SETD2: variants seen among roughly 807,000 people sequenced by gnomAD.
SETD2 encodes the protein SET domain containing 2, histone lysine methyltransferase.
Under a neutral mutation model 242.1 loss-of-function variants are expected in SETD2, and 31 were observed. The ratio of observed to expected loss-of-function variants is 0.13; its 90% CI spans 0.10 to 0.17. The LOEUF is 0.17. SETD2 is among the 10% of genes least tolerant of loss of function. SETD2 has a pLI of 1.00. For synonymous variants in SETD2, 1,006 were observed against 1,066.5 expected (o/e 0.94, Z 1.11); for missense variants, 2,481 against 3,046.3 (o/e 0.81, Z 4.37).
chr3:47,155,434 G>A (rs1257310335), intron 1 of SETD2, among the ~76,000 whole-genome samples: 1 of 152,104 alleles, frequency 6.6e-6, no homozygotes, highest in African/African-American at 2.4e-5. Context: ...TCCAATTACT[G>A]GTTAATCTAG....
At chr3:47,053,330 T>C (rs1398625509) in intron 15 of SETD2, among the ~76,000 whole-genome samples, 1 of 152,238 alleles carries the variant, frequency 6.6e-6, no homozygotes, top group Non-Finnish European at 1.5e-5. Context: ...CTTCACTTTA[T>C]ACTATGTCAG....
intron 1 of SETD2, among the ~76,000 whole-genome samples, chr3:47,155,158 A>G (rs1351450813): frequency 6.6e-6 from 1 of 152,288 alleles, no homozygotes; most frequent in East Asian, 1.9e-4. Flanking sequence ...AATGTGTAAT[A>G]CTAGATTGAA....
intron 17 of SETD2, chr3:47,041,332 CAAAGTATA>C: frequency 2.3e-6 from 1 of 434,906 alleles, no homozygotes; most frequent in Non-Finnish European, 4.6e-6. Context: ...AGCCCTGCAG[CAAAGTATA>C]AACAATTACT....
chr3:47,045,670 C>T (rs2039490836), intron 16 of SETD2, among the ~76,000 whole-genome samples: 1 of 138,638 alleles, frequency 7.2e-6, no homozygotes, highest in South Asian at 2.4e-4. Context: ...TGCACTCCAG[C>T]CTAGGTGACA....
At chr3:47,036,505 A>C (rs2039001394) in intron 18 of SETD2, among the ~76,000 whole-genome samples, 1 of 152,142 alleles carries the variant, frequency 6.6e-6, no homozygotes, top group African/African-American at 2.4e-5. Flanking sequence ...CAGTGAGCCA[A>C]GATCACACCA....
In SETD2 at chr3:47,155,261, T is replaced by C. The variant is rs117683688; in HGVS notation, c.71+8593A>G. Among the ~76,000 whole-genome samples the C allele has an allele frequency of 2.9e-3, 437 of 152,310 alleles. 22 individuals are homozygous for C. In the East Asian group the frequency reaches 0.062, roughly 21 times the overall value. On this transcript the variant is annotated intron_variant, in intron 1 of 20. Transcript: ENST00000409792. Reference sequence around the variant, plus strand: ...AAATGTTAAAATGTCTGAATTTGATTACTGTATATTGATTATCTAAGACAA... The same window carrying C: ...AAATGTTAAAATGTCTGAATTTGATCACTGTATATTGATTATCTAAGACAA...
chr3:47,019,432 A>T (rs1419601170), intron 19 of SETD2, among the ~76,000 whole-genome samples: 2 of 152,168 alleles, frequency 1.3e-5, no homozygotes, highest in Non-Finnish European at 1.5e-5. Flanking sequence ...TTCACATAAC[A>T]ACTAAGTCAA....
chr3:47,105,020 C>G (rs12636599), intron 6 of SETD2, among the ~76,000 whole-genome samples: 1 of 152,116 alleles, frequency 6.6e-6, no homozygotes, highest in East Asian at 1.9e-4. Context: ...CCACTTGGCC[C>G]TAATGTGGTT....
At chr3:47,034,539 T>C (rs2038918168) in intron 18 of SETD2, among the ~76,000 whole-genome samples, 1 of 152,212 alleles carries the variant, frequency 6.6e-6, no homozygotes, top group Non-Finnish European at 1.5e-5. Context: ...GGCATGTACC[T>C]ATAGTCCTAG....
chr3:47,036,904 T>TAAAAAAAAAAAAA (rs1224360338), intron 18 of SETD2, among the ~76,000 whole-genome samples: 5 of 23,858 alleles, frequency 2.1e-4, no homozygotes, highest in African/African-American at 1.2e-3. Context: ...TCCGTCTCAT[T>TAAAAAAAAAAAAA]TAAAAAAAAA....
intron 19 of SETD2, among the ~76,000 whole-genome samples, chr3:47,019,438 G>C (rs1161031117): frequency 3.9e-5 from 6 of 152,154 alleles, no homozygotes; most frequent in Non-Finnish European, 7.3e-5. Flanking sequence ...TAACAACTAA[G>C]TCAAATCACA....
At chr3:47,105,324 C>T (rs370242999) in intron 6 of SETD2, among the ~76,000 whole-genome samples, 4 of 150,152 alleles carry the variant, frequency 2.7e-5, no homozygotes, top group Non-Finnish European at 3.0e-5. Context: ...GCACAAGAAT[C>T]GCTTGAACCC....
intron 12 of SETD2, among the ~76,000 whole-genome samples, chr3:47,073,887 A>G (rs1165207020): frequency 1.3e-5 from 2 of 152,226 alleles, no homozygotes; most frequent in South Asian, 2.1e-4. Context: ...TACACTGCCA[A>G]TGAGAGCTGA....
chr3:47,126,416 C>G (rs1427517385), intron 2 of SETD2, among the ~76,000 whole-genome samples: 1 of 152,214 alleles, frequency 6.6e-6, no homozygotes, highest in Non-Finnish European at 1.5e-5. Context: ...CTTTCTCTAC[C>G]TTTCCTAAAT....
intron 1 of SETD2, among the ~76,000 whole-genome samples, chr3:47,153,171 A>T (rs542768649): frequency 3.9e-5 from 6 of 152,304 alleles, no homozygotes; most frequent in South Asian, 4.1e-4. Flanking sequence ...TCTAATTTTT[A>T]AAATTAAAAA....
intron 16 of SETD2, among the ~76,000 whole-genome samples, chr3:47,046,211 C>A (rs1358847694): frequency 6.6e-6 from 1 of 151,670 alleles, no homozygotes; most frequent in African/African-American, 2.4e-5. Context: ...GTGGCACACA[C>A]CTGTAATCCC....
intron 15 of SETD2, among the ~76,000 whole-genome samples, chr3:47,048,731 G>T (rs572187895): frequency 4.2e-4 from 64 of 152,134 alleles, no homozygotes; most frequent in African/African-American, 1.4e-3. Flanking sequence ...GCAGTGGTGC[G>T]ATCTGGGCTC....
At chr3:47,154,786 G>C (rs139659822) in intron 1 of SETD2, among the ~76,000 whole-genome samples, 1 of 152,000 alleles carries the variant, frequency 6.6e-6, no homozygotes, top group African/African-American at 2.4e-5. Context: ...AAGGTCAGGA[G>C]ATCGAGACCA....
chr3:47,055,779 G>A (rs1376102953), intron 15 of SETD2, among the ~76,000 whole-genome samples: 4 of 151,984 alleles, frequency 2.6e-5, no homozygotes, highest in South Asian at 4.2e-4. Context: ...TTGGGAGGCC[G>A]AGGTGGGTGG....
Sources: gnomAD v4.1 joint callset for allele counts (sites outside exome capture counted in the v4.1 genomes callset) on GRCh38, gnomAD v4.1.1 for gene constraint, MANE v1.5 for transcripts, NCBI Gene and HGNC (gene_info 2026-07-23, HGNC 2026-07-21) for gene names.